MADD: variants seen among roughly 807,000 people sequenced by gnomAD.
The protein encoded by MADD is MAP kinase-activating death domain protein.
A neutral mutation model predicts 176.7 loss-of-function variants in MADD; 109 were observed. The observed-to-expected ratio is 0.62, with a 90% confidence interval of 0.53 to 0.72. MADD has a LOEUF of 0.72. Ranked by LOEUF, MADD falls within the 30% of genes least tolerant of loss-of-function variation. The pLI is 0.00. For synonymous variants in MADD, 771 were observed against 771.3 expected, an observed-to-expected ratio of 1.00 and a Z score of 0.01; for missense variants, 1,914 against 2,045.5, an observed-to-expected ratio of 0.94 and a Z score of 1.24.
chr11:47,321,244 G>A (rs1017637435), intron 27 of MADD, among the ~76,000 whole-genome samples: 5 of 152,162 alleles, frequency 3.3e-5, no homozygotes, highest in African/African-American at 1.2e-4. Context: ...ATTATGAAAG[G>A]TGGAGTGGTA....
intron 25 of MADD, among the ~76,000 whole-genome samples, chr11:47,310,291 C>T (rs2087307134): frequency 6.6e-6 from 1 of 150,508 alleles, no homozygotes; most frequent in South Asian, 2.1e-4. Flanking sequence ...AAGCAATTCT[C>T]CTGCCTCAGC....
At chr11:47,300,136 C>T (rs902227322) in intron 22 of MADD, among the ~76,000 whole-genome samples, 21 of 150,788 alleles carry the variant, frequency 1.4e-4, no homozygotes, top group African/African-American at 5.1e-4. Flanking sequence ...GGTATTCGTT[C>T]TTCTTTAAAT....
intron 14 of MADD, 71 bp from the exon 15 acceptor site, chr11:47,286,360 CTG>C: frequency 1.1e-6 from 1 of 934,646 alleles, no homozygotes. Context: ...GGTGCAGATG[CTG>C]ATAGTCATTA....
At chr11:47,327,603 G>A (rs553366188) in intron 31 of MADD, 42 of 985,022 alleles carry the variant, frequency 4.3e-5, no homozygotes, top group East Asian at 1.1e-4. Context: ...CCTTCTCACC[G>A]GCTCACTGGA....
chr11:47,292,391 C>G, intron 19 of MADD, 152 bp from the exon 21 acceptor site: 1 of 712,732 alleles, frequency 1.4e-6, no homozygotes, highest in Non-Finnish European at 2.5e-6. Context: ...TGTTTTCTGC[C>G]CCTTCTCCCC....
chr11:47,271,740 TC>T (rs1232205915), intron 1 of MADD, among the ~76,000 whole-genome samples: 2 of 151,484 alleles, frequency 1.3e-5, no homozygotes, highest in Non-Finnish European at 3.0e-5. Flanking sequence ...TTTTTTTTTT[TC>T]GAATCCCATG....
exon 23 of MADD, chr11:47,308,679 A>C (rs2085189339): frequency 6.2e-7 from 1 of 1,613,724 alleles, no homozygotes; most frequent in Non-Finnish European, 8.5e-7. Context: ...CAGCGAGTCT[A>C]TCTCTATGAG....
intron 15 of MADD, among the ~76,000 whole-genome samples, chr11:47,288,257 C>A (rs1037533295): frequency 6.6e-6 from 1 of 152,164 alleles, no homozygotes; most frequent in African/African-American, 2.4e-5. Flanking sequence ...CCAGTGCACT[C>A]CAGCCTGGAC....
At chr11:47,309,092 A>G in intron 23 of MADD, 50 bp downstream of exon 26, 2 of 1,600,064 alleles carry the variant, frequency 1.2e-6, no homozygotes, top group Non-Finnish European at 1.7e-6. Flanking sequence ...CTTGGGAGGG[A>G]CTGGGCCTTA....
At chr11:47,303,028 C>T (rs980202689) in intron 22 of MADD, among the ~76,000 whole-genome samples, 3 of 151,940 alleles carry the variant, frequency 2.0e-5, no homozygotes, top group African/African-American at 7.3e-5. Flanking sequence ...ATGACTTCCT[C>T]ATTTTTTTTT....
chr11:47,273,421 C>T (rs986012629), intron 1 of MADD, among the ~76,000 whole-genome samples: 6 of 152,158 alleles, frequency 3.9e-5, no homozygotes, highest in Non-Finnish European at 4.4e-5. Context: ...TCACCACAGC[C>T]TCCACCTCCT....
intron 26 of MADD, among the ~76,000 whole-genome samples, chr11:47,314,332 C>T (rs2091856824): frequency 6.6e-6 from 1 of 152,056 alleles, no homozygotes; most frequent in Admixed American, 6.6e-5. Context: ...GACTTGGCCT[C>T]CCAAAGTGTT....
Position 47,328,905 on chromosome 11 carries a change from A to G in MADD, c.4660-141A>G, listed in dbSNP as rs538380745. The G allele has an allele frequency of 4.0e-4, 381 of 956,384 alleles. 1 individual carries two copies. In the African/African-American group the frequency reaches 5.5e-3, roughly 14 times the overall value. The allele number at this position is 956,384 out of a possible 1,614,324, so 59.2% of individuals were successfully genotyped here. On this transcript the variant is annotated intron_variant, in intron 32 of 32. Transcript: ENST00000402192. ...CACACGGATCCCCTCTCCCATGGGG[A>G]CAGCTTCCTTGCTTGGAGCTCACGT...
At chr11:47,302,054 G>A (rs142761053) in intron 22 of MADD, among the ~76,000 whole-genome samples, 1 of 152,064 alleles carries the variant, frequency 6.6e-6, no homozygotes, top group Non-Finnish European at 1.5e-5. Context: ...CTGAGAGTGG[G>A]GTATTGAAGT....
chr11:47,289,136 C>A, intron 15 of MADD, 109 bp downstream of exon 16: 1 of 1,127,934 alleles, frequency 8.9e-7, no homozygotes. Context: ...CATGAGTGAC[C>A]TGCTTGCCCC....
chr11:47,312,390 A>G (rs570130297), intron 26 of MADD, among the ~76,000 whole-genome samples: 1 of 152,158 alleles, frequency 6.6e-6, no homozygotes, highest in South Asian at 2.1e-4. Flanking sequence ...CTGGGATTAC[A>G]GGCATGTGCC....
At chr11:47,283,009 G>A (rs771508541) in intron 10 of MADD, 40 bp downstream of exon 10, 3 of 1,596,938 alleles carry the variant, frequency 1.9e-6, no homozygotes, top group Non-Finnish European at 2.6e-6. Context: ...TTAAAGGTGA[G>A]GAGGCTCTCA....
At chr11:47,274,001 G>A (rs1337858747) in intron 2 of MADD, 25 bp downstream of exon 2, 1 of 1,607,988 alleles carries the variant, frequency 6.2e-7, no homozygotes, top group East Asian at 2.2e-5. Flanking sequence ...ATTGACTTTT[G>A]TCTTAATATC....
chr11:47,287,129 G>C (rs1013749604), intron 15 of MADD, among the ~76,000 whole-genome samples: 10 of 152,176 alleles, frequency 6.6e-5, no homozygotes, highest in African/African-American at 2.4e-4. Flanking sequence ...TTCGAGACCA[G>C]ACTGACCAAC....
Sources: allele counts gnomAD v4.1 joint callset (sites outside exome capture counted in the v4.1 genomes callset), GRCh38; gene constraint gnomAD v4.1.1; transcripts MANE v1.5; gene names NCBI Gene and HGNC (gene_info 2026-07-23, HGNC 2026-07-21).